The following EYA2 variants were observed in gnomAD, a reference collection of about 807,000 sequenced individuals.
The protein encoded by EYA2 is EYA transcriptional coactivator and phosphatase 2.
Under a neutral mutation model 69.2 loss-of-function variants are expected in EYA2, and 31 were observed. The observed-to-expected ratio is 0.45, with a 90% confidence interval of 0.34 to 0.60. The LOEUF is 0.60. Among genes scored for constraint, EYA2 ranks in the 20% least tolerant of loss-of-function variants. EYA2 has a pLI of 0.02. For missense variants in EYA2, 622 were observed against 701.2 expected (o/e 0.89, Z 1.28); for synonymous variants, 257 against 279.4 (o/e 0.92, Z 0.80).
chr20:47,183,630 G>GGACAACT (rs1484227829), intron 15 of EYA2, among the ~76,000 whole-genome samples: 1 of 152,160 alleles, frequency 6.6e-6, no homozygotes, highest in Non-Finnish European at 1.5e-5. Flanking sequence ...ATTGTTTCTG[G>GGACAACT]GACAACTGTT....
At chr20:47,143,691 G>C (rs1232791433) in intron 10 of EYA2, among the ~76,000 whole-genome samples, 2 of 152,192 alleles carry the variant, frequency 1.3e-5, no homozygotes, top group African/African-American at 4.8e-5. Context: ...AAAAGCGGGA[G>C]AGCAGCTTCA....
chr20:46,896,993 G>A (rs541760991), intron 1 of EYA2, among the ~76,000 whole-genome samples: 2 of 147,538 alleles, frequency 1.4e-5, no homozygotes, highest in South Asian at 4.4e-4. Flanking sequence ...AAAAAGATGT[G>A]TATCTCAATA....
rs66872001 is a variant in EYA2 at position 47,013,468 on chromosome 20, TTTGTC to T, written c.299-2708_299-2704del. ...GTAGGTACCCTTAGAGGCAGCAACT[TTTGTC>T]TTGTATCCAACCAAGACAAACACTC... On this transcript the variant is annotated intron_variant, in intron 4 of 15. Transcript: ENST00000327619. Among the ~76,000 whole-genome samples the T allele has an allele frequency of 0.027, 4,175 of 152,300 alleles. 377 individuals are homozygous for T. The East Asian group carries it at 0.28, about 10-fold the overall frequency.
chr20:46,998,538 G>C (rs1384115211), intron 2 of EYA2: 3 of 152,256 alleles, frequency 2.0e-5, no homozygotes, highest in Admixed American at 6.5e-5. Flanking sequence ...CTCTGCTCTT[G>C]GGCAGTCCCT....
intron 7 of EYA2, among the ~76,000 whole-genome samples, chr20:47,083,577 C>CAAAA (rs35525311): frequency 9.1e-5 from 11 of 120,588 alleles, no homozygotes; most frequent in South Asian, 2.8e-4. Context: ...GAGTCCATCT[C>CAAAA]AAAAAAAAAA....
rs577047645 is a variant in EYA2, at chr20:47,101,594, C to T, written c.888+4426C>T. ...AAGAAGAATGGGTATTAGAGGACAA[C>T]TAGCAATTTCTAGCCCAAAGTACTG... On this transcript the variant is annotated intron_variant, in intron 9 of 15. Transcript: ENST00000327619. 2.6e-4 allele frequency among the ~76,000 whole-genome samples: 40 copies of T among 152,248 alleles called. No individual in the cohort carries two copies. The South Asian group carries it at 6.4e-3, about 24-fold the overall frequency.
chr20:47,021,935 G>A (rs1983773959), intron 5 of EYA2, among the ~76,000 whole-genome samples: 1 of 152,024 alleles, frequency 6.6e-6, no homozygotes, highest in African/African-American at 2.4e-5. Context: ...AAGTCACAAA[G>A]CCTTCATGAT....
At chr20:47,145,615 T>C (rs1415274617) in intron 10 of EYA2, among the ~76,000 whole-genome samples, 1 of 152,086 alleles carries the variant, frequency 6.6e-6, no homozygotes, top group Non-Finnish European at 1.5e-5. Flanking sequence ...AGGAGAAATG[T>C]GGTCTGGGCA....
Position 47,188,299 on chromosome 20 carries a change from T to A in EYA2, c.*166T>A. ...CTCAGAAGCCGTCCATCAGTCCAAA[T>A]GGGGGTTCTGAGAAGGAAAGTACCC... On this transcript the variant is annotated 3_prime_UTR_variant, in exon 16 of 16. Coordinates refer to ENST00000327619, the MANE Select transcript of EYA2 (RefSeq NM_005244.5). 1 of 644,486 alleles carries A rather than the reference T, an allele frequency of 1.6e-6. No homozygotes were observed. Among genetic ancestry groups the A allele is most frequent in the Non-Finnish European group, 2.7e-6 (1 of 366,276 alleles). 39.9% of individuals were successfully genotyped at this position (644,486 alleles called of 1,614,324 possible).
chr20:47,096,969 C>T lies in EYA2; in HGVS notation c.805-116C>T. ...CATCAGTGAGTTACATGTTTTGTAA[C>T]TAAAGATAATGTTTTTCGAGACTTC... is the stretch of plus-strand genomic sequence containing the variant. On this transcript the variant is annotated intron_variant, in intron 8 of 15. Coordinates refer to ENST00000327619, the MANE Select transcript of EYA2 (RefSeq NM_005244.5). 3.9e-6 allele frequency: 3 copies of T among 767,954 alleles called. No individual in the cohort carries two copies. The South Asian group carries it at 4.5e-5, about 12-fold the overall frequency. 47.6% of individuals were successfully genotyped at this position (767,954 alleles called of 1,614,324 possible).
At chr20:47,056,717 ATCCAAG>A (rs1392458889) in intron 5 of EYA2, among the ~76,000 whole-genome samples, 1 of 152,160 alleles carries the variant, frequency 6.6e-6, no homozygotes, top group Non-Finnish European at 1.5e-5. Flanking sequence ...AGGCTCTGAA[ATCCAAG>A]GAGACAGGAC....
At chr20:47,106,426 C>T (rs143364552) in intron 9 of EYA2, among the ~76,000 whole-genome samples, 4 of 152,274 alleles carry the variant, frequency 2.6e-5, no homozygotes, top group African/African-American at 7.2e-5. Flanking sequence ...TTTTCTGTAA[C>T]GCAATGGAAT....
In EYA2 at chr20:47,117,621, C is replaced by T. The variant is rs1411812498; in HGVS notation, c.888+20453C>T. The T allele has an allele frequency of 8.1e-6, 8 of 985,286 alleles. No individual in the cohort carries two copies. In the South Asian group the frequency reaches 1.4e-4, roughly 17 times the overall value. 61.0% of individuals were successfully genotyped at this position (985,286 alleles called of 1,614,324 possible). A position where few individuals can be genotyped will look rare whatever the true frequency, so the allele number is the denominator to read the frequency against. Reference sequence around the variant, plus strand: ...GATAGGCGGCTTGGCCTGTCTGTTACTGCTTTACAAACTGAGAAGAAATAA... The same window carrying T: ...GATAGGCGGCTTGGCCTGTCTGTTATTGCTTTACAAACTGAGAAGAAATAA... On this transcript the variant is annotated intron_variant, in intron 9 of 15. Coordinates refer to ENST00000327619, the MANE Select transcript of EYA2 (RefSeq NM_005244.5).
chr20:47,131,282 AC>A (rs1387622338), intron 9 of EYA2, among the ~76,000 whole-genome samples: 1 of 152,076 alleles, frequency 6.6e-6, no homozygotes, highest in Non-Finnish European at 1.5e-5. Flanking sequence ...TATCCTTGGC[AC>A]CCCCAAATAC....
chr20:46,987,952 CT>C (rs1981359966), intron 1 of EYA2, among the ~76,000 whole-genome samples: 1 of 41,158 alleles, frequency 2.4e-5, no homozygotes, highest in East Asian at 6.1e-4. Flanking sequence ...CTCTCTCTCT[CT>C]CTCTCTCTCT....
At chr20:47,098,226 A>G (rs2032309960) in intron 9 of EYA2, among the ~76,000 whole-genome samples, 2 of 152,356 alleles carry the variant, frequency 1.3e-5, no homozygotes, top group South Asian at 4.1e-4. Flanking sequence ...GAAATCCAGC[A>G]TGCATTTTTG....
intron 7 of EYA2, among the ~76,000 whole-genome samples, chr20:47,080,033 C>A (rs2031655910): frequency 6.6e-6 from 1 of 152,224 alleles, no homozygotes; most frequent in South Asian, 2.1e-4. Flanking sequence ...AGCAAATACA[C>A]ATTCTTTTCA....
intron 5 of EYA2, among the ~76,000 whole-genome samples, chr20:47,035,710 T>G (rs980295283): frequency 6.6e-6 from 1 of 151,960 alleles, no homozygotes; most frequent in African/African-American, 2.4e-5. Context: ...GGGTGCTGAA[T>G]GATCATAAAA....
intron 9 of EYA2, chr20:47,117,400 T>C (rs951765002): frequency 3.2e-5 from 32 of 985,326 alleles, no homozygotes; most frequent in Non-Finnish European, 3.7e-5. Flanking sequence ...TGGTGTTGGC[T>C]TTTCTTGCAG....
Sources: gnomAD v4.1 joint callset for allele counts (sites outside exome capture counted in the v4.1 genomes callset) on GRCh38, gnomAD v4.1.1 for gene constraint, MANE v1.5 for transcripts, NCBI Gene and HGNC (gene_info 2026-07-23, HGNC 2026-07-21) for gene names.